The following F5 variants were observed in gnomAD, a reference collection of about 807,000 sequenced individuals.
F5 encodes the protein coagulation factor V.
Under a neutral mutation model 216.4 loss-of-function variants are expected in F5, and 138 were observed. The ratio of observed to expected loss-of-function variants is 0.64; its 90% CI spans 0.56 to 0.73. F5 has a LOEUF of 0.73. Among genes scored for constraint, F5 ranks in the 30% least tolerant of loss-of-function variants. F5 has a pLI of 0.00. For synonymous variants in F5, 916 were observed against 930.7 expected, an observed-to-expected ratio of 0.98 and a Z score of 0.29; for missense variants, 2,403 against 2,674.0, an observed-to-expected ratio of 0.90 and a Z score of 2.24.
Position 169,540,646 on chromosome 1 carries a change from A to G in F5, c.4444T>C (p.Phe1482Leu). 2 of 1,613,966 alleles carry G rather than the reference A, an allele frequency of 1.2e-6. No homozygotes were observed. The highest frequency in any genetic ancestry group is 1.7e-6 in the Non-Finnish European group (2 of 1,179,944). The change falls in exon 13 of 25, where the codon TTT becomes CTT. Residue 1482 changes from phenylalanine to leucine, a missense_variant. Phe to Leu is a conservative substitution (Grantham distance 22, BLOSUM62 0). This residue lies in a region of F5 where 293 missense variants were observed against 270.8 expected (regional missense o/e 1.08). Coordinates refer to ENST00000367797, the MANE Select transcript of F5 (RefSeq NM_000130.5). ...ATCTGACCAAGGTCTGGATAAGGAA[A>G]AGACTCATTAAATTCTTGAAGAAGC... Reference protein sequence around the residue: ...SLLLQEFNESFPYPDLGQMPS... With the variant: ...SLLLQEFNESLPYPDLGQMPS...
intron 2 of F5, among the ~76,000 whole-genome samples, chr1:169,579,251 AAC>A (rs1660934630): frequency 6.6e-6 from 1 of 152,182 alleles, no homozygotes; most frequent in African/African-American, 2.4e-5. Flanking sequence ...CCTCCAGGAT[AAC>A]ACATTCTCTA....
rs200531616 is a variant in F5, at chr1:169,555,241, G to C, written c.1059C>G (p.Phe353Leu). Residue 353 changes from phenylalanine (F) to leucine (L), a missense_variant, in exon 7 of 25, where the codon TTC (phenylalanine) becomes TTG (leucine). Physicochemically the swap from Phe to Leu is conservative, Grantham distance 22. Around this residue, in one of 4 missense-constraint regions of F5, gnomAD observed 1,425 missense variants for 1,554.8 expected, o/e 0.92. Transcript: ENST00000367797. ...QRRHMKRWEY[F>L]IAAEEVIWDY... is the part of the protein sequence containing the mutation. The stretch of plus-strand genomic sequence containing the variant: ...CCCAAATGACTTCCTCTGCAGCAAT[G>C]AAGTATTCCCACCTCTTCATGTGCC... The C allele has an allele frequency of 1.9e-6, 3 of 1,614,116 alleles. No homozygotes were observed. Among genetic ancestry groups the C allele is most frequent in the East Asian group, 4.5e-5 (2 of 44,868 alleles).
At chr1:169,562,169 A>T (rs1238680138) in intron 3 of F5, among the ~76,000 whole-genome samples, 1 of 152,144 alleles carries the variant, frequency 6.6e-6, no homozygotes, top group Non-Finnish European at 1.5e-5. Flanking sequence ...ATCATTCCAA[A>T]ACATTTCTTC....
At chr1:169,545,979 GC>G (rs1659991614) in intron 11 of F5, among the ~76,000 whole-genome samples, 1 of 152,140 alleles carries the variant, frequency 6.6e-6, no homozygotes. Flanking sequence ...CTTCATGCAT[GC>G]CTTTCCAAGA....
chr1:169,554,495 C>T (rs191416041), intron 7 of F5, among the ~76,000 whole-genome samples: 26 of 152,306 alleles, frequency 1.7e-4, no homozygotes, highest in Admixed American at 5.2e-4. Flanking sequence ...CTACTACTAA[C>T]GTTGCAACAG....
At chr1:169,585,287 C>T (rs148816049) in intron 1 of F5, among the ~76,000 whole-genome samples, 4 of 152,214 alleles carry the variant, frequency 2.6e-5, no homozygotes, top group African/African-American at 9.6e-5. Context: ...TAATATTATA[C>T]ACTAAAAGAT....
At chr1:169,576,428 A>T (rs114789844) in intron 2 of F5, among the ~76,000 whole-genome samples, 1 of 152,276 alleles carries the variant, frequency 6.6e-6, no homozygotes, top group Non-Finnish European at 1.5e-5. Flanking sequence ...TGGAGGTCAC[A>T]AAGTTCAGTC....
chr1:169,533,855 A>G (rs1659642953), intron 14 of F5, among the ~76,000 whole-genome samples: 1 of 152,114 alleles, frequency 6.6e-6, no homozygotes, highest in Non-Finnish European at 1.5e-5. Context: ...TTGAAACAGA[A>G]CTACTATTTT....
rs1281655430 is a variant in F5 at position 169,540,444 on chromosome 1, G to A, written c.4646C>T (p.Pro1549Leu). 6.2e-7 allele frequency: 1 copy of A among 1,613,890 alleles called. No homozygotes were observed. Among genetic ancestry groups the A allele is most frequent in the Non-Finnish European group, 8.5e-7 (1 of 1,179,932 alleles). ...GTTTGTCCTAACATCAGTTTTGTAGGGGTCATCATAGGGCACATAATCAAT... is the reference window on the plus strand; with the variant it reads ...GTTTGTCCTAACATCAGTTTTGTAGAGGTCATCATAGGGCACATAATCAAT... ...AEIDYVPYDD[P>L]YKTDVRTNIN... The change falls in exon 13 of 25, where the codon CCC becomes CTC. Residue 1549 changes from proline to leucine, a missense_variant. Coordinates refer to ENST00000367797, the MANE Select transcript of F5 (RefSeq NM_000130.5).
chr1:169,556,124 G>A (rs1457872001), intron 6 of F5, among the ~76,000 whole-genome samples: 2 of 152,034 alleles, frequency 1.3e-5, no homozygotes, highest in Non-Finnish European at 2.9e-5. Context: ...ATTCCCCAGT[G>A]TTCTTTGGAG....
At chr1:169,519,602 C>A (rs1344065652) in intron 22 of F5, among the ~76,000 whole-genome samples, 1 of 152,156 alleles carries the variant, frequency 6.6e-6, no homozygotes, top group Non-Finnish European at 1.5e-5. Flanking sequence ...GAAACTGATT[C>A]CAGGTTTCAG....
At chr1:169,566,682 C>T (rs995613263) in intron 3 of F5, among the ~76,000 whole-genome samples, 3 of 151,804 alleles carry the variant, frequency 2.0e-5, no homozygotes, top group Non-Finnish European at 4.4e-5. Context: ...GTCCCTTTAA[C>T]CTCAGTTTTT....
At chr1:169,582,280 G>T in intron 2 of F5, 151 bp downstream of exon 2, 1 of 497,114 alleles carries the variant, frequency 2.0e-6, no homozygotes, top group Non-Finnish European at 3.7e-6. Context: ...ATTTTGCACT[G>T]GGCCCCACAT....
intron 7 of F5, 73 bp downstream of exon 7, chr1:169,555,109 C>A (rs963239688): frequency 6.4e-7 from 1 of 1,556,972 alleles, no homozygotes; most frequent in Non-Finnish European, 8.9e-7. Context: ...ACTTACATTT[C>A]ACCCCAAACA....
In F5 at chr1:169,542,183, G is replaced by A. The variant is rs569351473; in HGVS notation, c.2907C>T (p.Asn969=). ...CATTCTGGGGGCTGATCAGCCAATT[G>A]TTAACAGCTGTGTCTTCATCAGTAT... ...IQDTDEDTAV[N]NWLISPQNAS... The change falls in exon 13 of 25, where the codon AAC becomes AAT. Residue 969 remains asparagine, a synonymous_variant. Coordinates refer to ENST00000367797, the MANE Select transcript of F5 (RefSeq NM_000130.5). The A allele has an allele frequency of 6.2e-7, 1 of 1,614,118 alleles. No homozygotes were observed. The highest frequency in any genetic ancestry group is 1.1e-5 in the South Asian group (1 of 91,078).
At chr1:169,527,853 T>C in intron 17 of F5, 62 bp downstream of exon 17, 1 of 1,587,828 alleles carries the variant, frequency 6.3e-7, no homozygotes, top group Non-Finnish European at 8.6e-7. Context: ...TGAGAAGGAG[T>C]TACAGATTGC....
Position 169,546,180 on chromosome 1 carries a change from TAC to T in F5, c.1762+260_1762+261del, listed in dbSNP as rs3835453. On this transcript the variant is annotated intron_variant, in intron 11 of 24. Coordinates refer to ENST00000367797, the MANE Select transcript of F5 (RefSeq NM_000130.5). ...CCTCACCACGCAGAGTATGTCTGTG[TAC>T]ACACACACACACACACACACACACA... 0.14 allele frequency among the ~76,000 whole-genome samples: 20,075 copies of T among 140,484 alleles called. 1,667 individuals carry two copies. Among genetic ancestry groups the T allele is most frequent in the African/African-American group, 0.26 (10,067 of 38,670 alleles). 92.2% of individuals were successfully genotyped at this position (140,484 alleles called of 152,430 possible).
Position 169,542,411 on chromosome 1 carries a change from G to T in F5, c.2679C>A (p.His893Gln), listed in dbSNP as rs1201070422. 1 of 1,614,046 alleles carries T rather than the reference G, an allele frequency of 6.2e-7. No individual in the cohort carries two copies. The highest frequency in any genetic ancestry group is 1.6e-4 in the Middle Eastern group (1 of 6,062). Residue 893 changes from histidine to glutamine, a missense_variant, in exon 13 of 25, where the codon CAC (histidine) becomes CAA (glutamine). By Grantham distance (24) the His-to-Gln change is conservative (BLOSUM62 0). Around this residue, in one of 4 missense-constraint regions of F5, gnomAD observed 1,425 missense variants for 1,554.8 expected, o/e 0.92. Transcript: ENST00000367797. ...MKLLAHKVGRHLSQDTGSPSG... is the reference protein window; with the variant it reads ...MKLLAHKVGRQLSQDTGSPSG... Reference sequence around the variant, plus strand: ...AAGGAGAACCAGTGTCTTGGCTTAGGTGTCTCCCAACTTTATGTGCTAGTA... The same window carrying T: ...AAGGAGAACCAGTGTCTTGGCTTAGTTGTCTCCCAACTTTATGTGCTAGTA...
rs144262027 is a variant in F5, at chr1:169,540,685, A to G, written c.4405T>C (p.Ser1469Pro). The G allele has an allele frequency of 1.4e-4, 219 of 1,614,094 alleles. No homozygotes were observed. In the African/African-American group the frequency reaches 2.4e-3, roughly 17 times the overall value. The part of the protein sequence containing the change: ...DLDQIFYPSE[S>P]SQSLLLQEFN... ...TCTTGAAGAAGCAATGACTGACTAG[A>G]TTCAGAAGGGTAGAATATCTGATCA... is the stretch of plus-strand genomic sequence containing the variant. Residue 1469 changes from serine (S) to proline (P), a missense_variant, in exon 13 of 25, where the codon TCT (serine) becomes CCT (proline). Physicochemically the swap from Ser to Pro is moderately conservative, Grantham distance 74 (BLOSUM62 -1). Around this residue, in one of 4 missense-constraint regions of F5, gnomAD observed 293 missense variants for 270.8 expected, o/e 1.08. Transcript: ENST00000367797.
Sources: gnomAD v4.1 joint callset for allele counts (sites outside exome capture counted in the v4.1 genomes callset) on GRCh38, gnomAD v4.1.1 for gene constraint, gnomAD v4.1.1 regional missense constraint, MANE v1.5 for transcripts, NCBI Gene and HGNC (gene_info 2026-07-23, HGNC 2026-07-21) for gene names.